Variants in WWP1 observed in about 807,000 individuals in gnomAD.
The protein encoded by WWP1 is NEDD4-like E3 ubiquitin-protein ligase WWP1.
Under a neutral mutation model 130.6 loss-of-function variants are expected in WWP1, and 49 were observed. The ratio of observed to expected loss-of-function variants is 0.38; its 90% confidence interval spans 0.30 to 0.48. The LOEUF is 0.48. Among genes scored for constraint, WWP1 ranks in the 20% least tolerant of loss-of-function variants. The pLI, the probability that WWP1 is intolerant of heterozygous loss-of-function variation, is 0.99. For synonymous variants in WWP1, 332 were observed against 367.8 expected, an observed-to-expected ratio of 0.90 and a Z score of 1.11; for missense variants, 809 against 1,100.6, an observed-to-expected ratio of 0.74 and a Z score of 3.75.
chr8:86,433,686 A>G, intron 14 of WWP1, among the ~76,000 whole-genome samples: 1 of 152,152 alleles, frequency 6.6e-6, no homozygotes, highest in Admixed American at 6.5e-5. Context: ...GCTCACGCCT[A>G]TAATCCCAGC....
Position 86,418,469 on chromosome 8 carries a change from G to A in WWP1, c.1061+6595G>A, listed in dbSNP as rs1051938289. 2.0e-5 allele frequency among the ~76,000 whole-genome samples: 3 copies of A among 152,120 alleles called. No individual in the cohort carries two copies. In the South Asian group the frequency reaches 6.2e-4, roughly 32 times the overall value. On this transcript the variant is annotated intron_variant, in intron 9 of 24. Transcript: ENST00000517970. ...TCATGAGGTTGCCATCAAGCTGTTGGTGGGGGCTGCAGTCATTTGGAGGAT... is the reference window on the plus strand; with the variant it reads ...TCATGAGGTTGCCATCAAGCTGTTGATGGGGGCTGCAGTCATTTGGAGGAT...
rs529514072 is a variant in WWP1 at position 86,447,919 on chromosome 8, A to G, written c.1999-229A>G. On this transcript the variant is annotated intron_variant, in intron 18 of 24. Transcript: ENST00000517970. ...GGTAATAGAAGTCTTTTATCATCCT[A>G]TACAGTTTTTGATATATGTTATATA... Among the ~76,000 whole-genome samples, 86 of 152,290 alleles carry G rather than the reference A, an allele frequency of 5.6e-4. 1 individual carries two copies. Among genetic ancestry groups the G allele is most frequent in the Non-Finnish European group, 9.4e-4 (64 of 68,026 alleles).
intron 21 of WWP1, among the ~76,000 whole-genome samples, chr8:86,455,510 C>T (rs1012441670): frequency 6.6e-6 from 1 of 151,858 alleles, no homozygotes; most frequent in African/African-American, 2.4e-5. Context: ...AAAAATCAAT[C>T]GTATTTTTAT....
At chr8:86,416,827 C>T (rs924306358) in intron 9 of WWP1, among the ~76,000 whole-genome samples, 7 of 152,086 alleles carry the variant, frequency 4.6e-5, no homozygotes, top group Non-Finnish European at 7.4e-5. Flanking sequence ...TGGCCAAATC[C>T]AGCCCACCAC....
At chr8:86,396,564 CA>C (rs1488923307) in intron 5 of WWP1, among the ~76,000 whole-genome samples, 6 of 106,714 alleles carry the variant, frequency 5.6e-5, no homozygotes, top group Non-Finnish European at 1.0e-4. Flanking sequence ...ATGGTTTAAA[CA>C]TTTTTTTTTT....
intron 1 of WWP1, among the ~76,000 whole-genome samples, chr8:86,353,627 G>C (rs1286389670): frequency 6.6e-6 from 1 of 152,024 alleles, no homozygotes; most frequent in African/African-American, 2.4e-5. Flanking sequence ...CAAGTAGCTG[G>C]GATTATAGGT....
At chr8:86,429,219 T>A (rs1191837912) in intron 11 of WWP1, among the ~76,000 whole-genome samples, 1 of 152,196 alleles carries the variant, frequency 6.6e-6, no homozygotes, top group Non-Finnish European at 1.5e-5. Context: ...AGCCCTTGCC[T>A]TTTTTACTTA....
At chr8:86,445,957 T>TTTTCTTTTCC (rs1354814621) in intron 18 of WWP1, among the ~76,000 whole-genome samples, 13 of 121,650 alleles carry the variant, frequency 1.1e-4, no homozygotes, top group African/African-American at 4.7e-4. Context: ...ATGTCTTTTC[T>TTTTCTTTTCC]TTTCTTTTCT....
At chr8:86,437,040 A>G (rs1810327115) in intron 16 of WWP1, among the ~76,000 whole-genome samples, 1 of 152,068 alleles carries the variant, frequency 6.6e-6, no homozygotes, top group Admixed American at 6.6e-5. Flanking sequence ...TAGTAAATGT[A>G]CATCTGAATT....
chr8:86,405,944 A>G (rs1209277161), intron 8 of WWP1, among the ~76,000 whole-genome samples: 2 of 152,184 alleles, frequency 1.3e-5, no homozygotes, highest in East Asian at 3.8e-4. Flanking sequence ...GACAAACGAT[A>G]TATTTCTGTC....
chr8:86,354,939 C>CT (rs869098793), intron 1 of WWP1, among the ~76,000 whole-genome samples: 6 of 151,760 alleles, frequency 4.0e-5, no homozygotes, highest in African/African-American at 1.2e-4. Flanking sequence ...ATATTAACAC[C>CT]TTTTTTTAAA....
chr8:86,467,773 T>A lies in WWP1; in HGVS notation c.*880T>A, dbSNP rs1374905496. ...GGAACATACAAAAGGTAATGTAAAC[T>A]CTGCCACTTTTTTGTGTTCAAAATT... is the stretch of plus-strand genomic sequence containing the variant. On this transcript the variant is annotated 3_prime_UTR_variant, in exon 25 of 25. Transcript: ENST00000517970. The A allele has an allele frequency of 6.6e-6, 1 of 152,196 alleles. No homozygotes were observed. The highest frequency in any genetic ancestry group is 1.5e-5 in the Non-Finnish European group (1 of 68,020). 9.4% of individuals were successfully genotyped at this position (152,196 alleles called of 1,614,324 possible).
At chr8:86,347,911 T>C (rs1008199786) in intron 1 of WWP1, among the ~76,000 whole-genome samples, 4 of 152,192 alleles carry the variant, frequency 2.6e-5, no homozygotes, top group South Asian at 2.1e-4. Context: ...TTGAGCCACC[T>C]ACATTACTCA....
At chr8:86,461,414 C>A in intron 23 of WWP1, 94 bp downstream of exon 23, 2 of 1,075,410 alleles carry the variant, frequency 1.9e-6, no homozygotes, top group Non-Finnish European at 2.8e-6. Flanking sequence ...CTAAAGATTA[C>A]TCTTCTGTGC....
chr8:86,418,992 C>T (rs1809044519), intron 9 of WWP1, among the ~76,000 whole-genome samples: 1 of 152,184 alleles, frequency 6.6e-6, no homozygotes, highest in African/African-American at 2.4e-5. Context: ...AATTAATCCA[C>T]AATCCACAAG....
rs1812207407 is a variant in WWP1 at position 86,466,955 on chromosome 8, C to G, written c.*62C>G. ...AATACCCCAGCCAAGAAAAATTGCA[C>G]AGATAGTGTATATAAGCTGTTCATT... On this transcript the variant is annotated 3_prime_UTR_variant, in exon 25 of 25. Transcript: ENST00000517970. 1 of 1,248,300 alleles carries G rather than the reference C, an allele frequency of 8.0e-7. No homozygotes were observed. The highest frequency in any genetic ancestry group is 1.2e-5 in the South Asian group (1 of 80,628). The allele number at this position is 1,248,300 out of a possible 1,614,324, so 77.3% of individuals were successfully genotyped here.
intron 2 of WWP1, among the ~76,000 whole-genome samples, chr8:86,372,822 A>G (rs980948357): frequency 1.3e-5 from 2 of 152,090 alleles, no homozygotes; most frequent in African/African-American, 4.8e-5. Flanking sequence ...GTGTTTTCTA[A>G]GAAGTAGCTC....
intron 1 of WWP1, among the ~76,000 whole-genome samples, chr8:86,353,992 T>C (rs199531543): frequency 2.0e-5 from 3 of 152,358 alleles, no homozygotes; most frequent in East Asian, 3.9e-4. Flanking sequence ...TTTAAAACTT[T>C]CTTTGTGATT....
chr8:86,375,165 T>C (rs1824557881), intron 3 of WWP1, among the ~76,000 whole-genome samples: 1 of 152,206 alleles, frequency 6.6e-6, no homozygotes, highest in African/African-American at 2.4e-5. Flanking sequence ...ATAGGTCTAC[T>C]CATTGCAGTT....
Sources: gnomAD v4.1 joint callset for allele counts (sites outside exome capture counted in the v4.1 genomes callset) on GRCh38, gnomAD v4.1.1 for gene constraint, MANE v1.5 for transcripts, NCBI Gene and HGNC (gene_info 2026-07-23, HGNC 2026-07-21) for gene names.